ABCA1: variants seen among roughly 807,000 people sequenced by gnomAD.
ABCA1 encodes ATP binding cassette subfamily A member 1.
In ABCA1, 133 loss-of-function variants were observed where a neutral mutation model predicts 262.5. That is an observed-to-expected ratio of 0.51 (90% CI 0.44 to 0.59). The LOEUF (loss-of-function observed/expected upper bound fraction) is 0.59. ABCA1 is among the 20% of genes least tolerant of loss of function. The pLI is 0.00. For synonymous variants in ABCA1, 1,022 were observed against 1,043.5 expected (o/e 0.98, Z 0.40); for missense variants, 2,452 against 2,777.5 (o/e 0.88, Z 2.63).
intron 5 of ABCA1, 141 bp from the exon 6 acceptor site, chr9:104,861,941 T>G: frequency 7.9e-6 from 6 of 756,744 alleles, no homozygotes; most frequent in Non-Finnish European, 1.3e-5. Context: ...AGGAATGAGA[T>G]AGGGGAGCAT....
chr9:104,799,359 G>T, intron 36 of ABCA1: 2 of 763,794 alleles, frequency 2.6e-6, no homozygotes, highest in Non-Finnish European at 3.2e-6. Flanking sequence ...TCCAAAGGCT[G>T]CATACTTTAA....
intron 14 of ABCA1, among the ~76,000 whole-genome samples, chr9:104,829,964 A>C (rs1338667064): frequency 1.3e-5 from 2 of 151,818 alleles, no homozygotes; most frequent in Non-Finnish European, 2.9e-5. Flanking sequence ...ACACACACAC[A>C]CACACACACA....
At chr9:104,878,091 T>G (rs1838308186) in intron 5 of ABCA1, among the ~76,000 whole-genome samples, 1 of 152,158 alleles carries the variant, frequency 6.6e-6, no homozygotes, top group Non-Finnish European at 1.5e-5. Context: ...TCTCTGCCAG[T>G]CTGTATCTCA....
Position 104,786,869 on chromosome 9 carries a change from G to A in ABCA1, c.6308+4C>T, listed in dbSNP as rs113077827. ...AGTGAGGAACCCAAGACTTTACTAC[G>A]GACCTATGAGATGTAAGCACTACTG... On this transcript the variant is annotated splice_donor_region_variant and intron_variant, in intron 47 of 49. Coordinates refer to ENST00000374736, the MANE Select transcript of ABCA1 (RefSeq NM_005502.4). 1.4e-5 allele frequency: 23 copies of A among 1,610,594 alleles called. No homozygotes were observed. Among genetic ancestry groups the A allele is most frequent in the South Asian group, 3.3e-5 (3 of 91,006 alleles).
intron 30 of ABCA1, 103 bp downstream of exon 30, chr9:104,809,363 G>T: frequency 9.2e-6 from 10 of 1,085,420 alleles, no homozygotes; most frequent in East Asian, 2.5e-5. Flanking sequence ...AAGGGCAAAT[G>T]CTGGCGGTCA....
intron 1 of ABCA1, among the ~76,000 whole-genome samples, chr9:104,911,354 C>T (rs991715078): frequency 6.6e-6 from 1 of 152,210 alleles, no homozygotes; most frequent in African/African-American, 2.4e-5. Context: ...GGTCTGTTCT[C>T]TAATTGCCTC....
In ABCA1 at chr9:104,791,916, T is replaced by C. The variant is rs1484359611; in HGVS notation, c.5820+20A>G. On this transcript the variant is annotated intron_variant, in intron 43 of 49. Coordinates refer to ENST00000374736, the MANE Select transcript of ABCA1 (RefSeq NM_005502.4). ...TCTGAACTAATAGGGACAAACGCAATATAGACAAAGTGTCTTTACCTCACC... is the reference window on the plus strand; with the variant it reads ...TCTGAACTAATAGGGACAAACGCAACATAGACAAAGTGTCTTTACCTCACC... The C allele has an allele frequency of 2.5e-6, 4 of 1,611,768 alleles. No homozygotes were observed. The highest frequency in any genetic ancestry group is 2.7e-5 in the African/African-American group (2 of 74,872).
Position 104,793,305 on chromosome 9 carries a change from T to G in ABCA1, c.5507-5A>C. 1 of 1,614,080 alleles carries G rather than the reference T, an allele frequency of 6.2e-7. No homozygotes were observed. The highest frequency in any genetic ancestry group is 8.5e-7 in the Non-Finnish European group (1 of 1,179,996). On this transcript the variant is annotated splice_polypyrimidine_tract_variant and splice_region_variant and intron_variant, in intron 40 of 49. Transcript: ENST00000374736. Reference sequence around the variant, plus strand: ...GTGACACAAAGCGATTCTCCCCTAGTAGACACAATGCAGAGATCCGGTCAG... The same window carrying G: ...GTGACACAAAGCGATTCTCCCCTAGGAGACACAATGCAGAGATCCGGTCAG...
intron 5 of ABCA1, among the ~76,000 whole-genome samples, chr9:104,870,766 C>T (rs919195013): frequency 2.0e-5 from 3 of 151,722 alleles, no homozygotes; most frequent in Non-Finnish European, 4.4e-5. Flanking sequence ...AAAAGAGAGT[C>T]AGCAAAGGGA....
At chr9:104,891,596 G>A (rs1839751376) in intron 2 of ABCA1, among the ~76,000 whole-genome samples, 3 of 151,960 alleles carry the variant, frequency 2.0e-5, no homozygotes, top group South Asian at 4.1e-4. Context: ...GCATGATCAC[G>A]CCACTGCATG....
chr9:104,790,970 G>A lies in ABCA1; in HGVS notation c.5879C>T (p.Thr1960Ile). ...TCCTCTGGTAACAGTGGTATCTCCT[G>A]TTAACATCTTGAAAGTTGATGATTT... ...AGKSSTFKML[T>I]GDTTVTRGDA... The change falls in exon 44 of 50, where the codon ACA (threonine) becomes ATA (isoleucine). Residue 1960 changes from threonine to isoleucine, a missense_variant. Physicochemically the swap from Thr to Ile is moderately conservative, Grantham distance 89. Coordinates refer to ENST00000374736, the MANE Select transcript of ABCA1 (RefSeq NM_005502.4). 1.9e-6 allele frequency: 3 copies of A among 1,613,842 alleles called. No individual in the cohort carries two copies. The highest frequency in any genetic ancestry group is 2.5e-6 in the Non-Finnish European group (3 of 1,179,884).
rs762369066 is a variant in ABCA1, at chr9:104,861,667, G to A, written c.543+12C>T. On this transcript the variant is annotated intron_variant, in intron 6 of 49. Coordinates refer to ENST00000374736, the MANE Select transcript of ABCA1 (RefSeq NM_005502.4). ...ATCAGCCCTACTGAGGAAGCTGGAG[G>A]CATCAGCTTACCTTGTGGAGAATGA... The A allele has an allele frequency of 8.1e-6, 13 of 1,614,084 alleles. No individual in the cohort carries two copies. The South Asian group carries it at 1.4e-4, about 18-fold the overall frequency.
At chr9:104,801,077 G>A (rs1830290548) in intron 34 of ABCA1, among the ~76,000 whole-genome samples, 1 of 145,920 alleles carries the variant, frequency 6.9e-6, no homozygotes, top group African/African-American at 2.6e-5. Flanking sequence ...GAGAAATGAA[G>A]TGAGTACTTA....
chr9:104,858,840 A>G, intron 6 of ABCA1, 142 bp from the exon 7 acceptor site: 1 of 807,458 alleles, frequency 1.2e-6, no homozygotes, highest in Non-Finnish European at 2.1e-6. Context: ...AGTCCAATGC[A>G]TCAGGTCTCT....
intron 34 of ABCA1, 107 bp downstream of exon 34, chr9:104,801,947 A>G: frequency 9.7e-7 from 1 of 1,032,366 alleles, no homozygotes. Flanking sequence ...ATGCCAACAT[A>G]TTCAGAACAA....
intron 1 of ABCA1, among the ~76,000 whole-genome samples, chr9:104,925,920 T>C (rs1287417879): frequency 2.6e-5 from 4 of 151,628 alleles, no homozygotes; most frequent in Admixed American, 6.6e-5. Flanking sequence ...ATGAGAAGAA[T>C]AGGTTGAAAT....
At chr9:104,859,989 GGTT>G (rs1463009941) in intron 6 of ABCA1, among the ~76,000 whole-genome samples, 1 of 150,278 alleles carries the variant, frequency 6.7e-6, no homozygotes, top group Non-Finnish European at 1.5e-5. Context: ...GGGAGGCAGA[GGTT>G]GTAGTGAGCT....
chr9:104,874,826 G>A (rs903641561), intron 5 of ABCA1, among the ~76,000 whole-genome samples: 73 of 134,328 alleles, frequency 5.4e-4, no homozygotes, highest in African/African-American at 2.5e-3. Context: ...AGGGAGGTGG[G>A]GGCCAGCCCC....
chr9:104,784,654 T>A (rs571265999), intron 49 of ABCA1, among the ~76,000 whole-genome samples, 199 bp from the exon 50 acceptor site: 4 of 152,096 alleles, frequency 2.6e-5, no homozygotes, highest in Non-Finnish European at 5.9e-5. Context: ...AGACTTTTTT[T>A]CCCCCCTTGA....
Sources: allele counts gnomAD v4.1 joint callset (sites outside exome capture counted in the v4.1 genomes callset), GRCh38; gene constraint gnomAD v4.1.1; transcripts MANE v1.5; gene names NCBI Gene and HGNC (gene_info 2026-07-23, HGNC 2026-07-21).